The following CHCHD3 variants were observed in gnomAD, a reference collection of about 807,000 sequenced individuals.
CHCHD3 encodes the protein MICOS complex subunit MIC19.
In CHCHD3, 20 loss-of-function variants were observed where a neutral mutation model predicts 38.2. That is an observed-to-expected ratio of 0.52 (90% CI 0.37 to 0.76). The LOEUF (loss-of-function observed/expected upper bound fraction) is 0.76, where lower values mean the gene tolerates loss of function less well. Among genes scored for constraint, CHCHD3 ranks in the 30% least tolerant of loss-of-function variants. The probability of loss-of-function intolerance (pLI) is 0.00; values close to 1 mark genes in which losing one functional copy is unlikely to be tolerated. For synonymous variants in CHCHD3, 82 were observed against 100.0 expected (o/e 0.82, Z 1.07); for missense variants, 245 against 279.2 (o/e 0.88, Z 0.87).
intron 4 of CHCHD3, among the ~76,000 whole-genome samples, chr7:132,949,301 C>T (rs1810979571): frequency 6.6e-6 from 1 of 152,122 alleles, no homozygotes; most frequent in African/African-American, 2.4e-5. Flanking sequence ...AAGTGACAAG[C>T]ACGCCTCCCA....
chr7:133,013,316 G>A (rs1468763854), intron 3 of CHCHD3, among the ~76,000 whole-genome samples: 6 of 151,638 alleles, frequency 4.0e-5, no homozygotes, highest in South Asian at 2.1e-4. Context: ...TCCAGATGCC[G>A]ACTGCCTGCG....
chr7:133,026,186 A>T (rs1159605445), intron 2 of CHCHD3, among the ~76,000 whole-genome samples: 24 of 152,222 alleles, frequency 1.6e-4, no homozygotes. Context: ...CTTACAGACA[A>T]ATAATAAAAA....
chr7:132,911,964 A>T (rs1809962557), intron 4 of CHCHD3, among the ~76,000 whole-genome samples: 1 of 152,180 alleles, frequency 6.6e-6, no homozygotes, highest in African/African-American at 2.4e-5. Context: ...AATTGCTACT[A>T]AGTTTTCCAT....
At chr7:133,071,277 A>G (rs1814812412) in intron 1 of CHCHD3, among the ~76,000 whole-genome samples, 1 of 152,250 alleles carries the variant, frequency 6.6e-6, no homozygotes, top group South Asian at 2.1e-4. Context: ...AGCCTCACTA[A>G]GCCTAGTTAA....
intron 4 of CHCHD3, chr7:132,974,102 C>T (rs1259729898): frequency 8.9e-7 from 1 of 1,121,654 alleles, no homozygotes; most frequent in African/African-American, 1.6e-5. Context: ...CCATTAAAAA[C>T]TACATTTCAG....
chr7:133,058,376 G>A (rs1584678047), intron 2 of CHCHD3, among the ~76,000 whole-genome samples: 1 of 152,186 alleles, frequency 6.6e-6, no homozygotes, highest in East Asian at 1.9e-4. Context: ...AAAGTGCTGG[G>A]ATTACAGGCC....
intron 2 of CHCHD3, among the ~76,000 whole-genome samples, chr7:133,061,609 G>A (rs1404458684): frequency 2.0e-5 from 3 of 152,132 alleles, no homozygotes; most frequent in African/African-American, 7.2e-5. Flanking sequence ...GCTGGCAGCC[G>A]TGTACTTGCC....
chr7:132,864,978 C>T (rs1808582938), intron 5 of CHCHD3, among the ~76,000 whole-genome samples: 3 of 152,116 alleles, frequency 2.0e-5, no homozygotes, highest in South Asian at 2.1e-4. Context: ...AACCATAGAC[C>T]CCATTCATTA....
intron 4 of CHCHD3, among the ~76,000 whole-genome samples, chr7:132,906,150 T>C (rs1384886718): frequency 2.0e-5 from 3 of 152,220 alleles, no homozygotes; most frequent in Non-Finnish European, 4.4e-5. Flanking sequence ...ACATTGTACA[T>C]GATAAATACA....
At chr7:132,865,903 C>T (rs1020843302) in intron 5 of CHCHD3, among the ~76,000 whole-genome samples, 1 of 152,152 alleles carries the variant, frequency 6.6e-6, no homozygotes, top group Non-Finnish European at 1.5e-5. Flanking sequence ...CTGCCCTCAG[C>T]ATTCCTTCTG....
At chr7:132,954,561 A>G (rs540937340) in intron 4 of CHCHD3, among the ~76,000 whole-genome samples, 13 of 152,222 alleles carry the variant, frequency 8.5e-5, no homozygotes, top group Middle Eastern at 6.8e-3. Context: ...GACAATGCCA[A>G]CATGGGGCCA....
At chr7:132,955,104 C>T (rs1033525584) in intron 4 of CHCHD3, among the ~76,000 whole-genome samples, 9 of 151,680 alleles carry the variant, frequency 5.9e-5, no homozygotes, top group African/African-American at 1.9e-4. Context: ...GGGTCCCAAA[C>T]TATCACACTG....
At chr7:132,826,358 G>C (rs531932976) in intron 6 of CHCHD3, among the ~76,000 whole-genome samples, 1 of 152,332 alleles carries the variant, frequency 6.6e-6, no homozygotes, top group Admixed American at 6.5e-5. Context: ...GGAGGTTTTA[G>C]TCCTTGAAAA....
At chr7:132,898,133 C>G (rs1809552604) in intron 4 of CHCHD3, among the ~76,000 whole-genome samples, 1 of 152,100 alleles carries the variant, frequency 6.6e-6, no homozygotes, top group South Asian at 2.1e-4. Flanking sequence ...TGTTACAGCT[C>G]ATAAAGGCAG....
At chr7:132,869,363 T>C (rs1485343683) in intron 5 of CHCHD3, among the ~76,000 whole-genome samples, 2 of 152,220 alleles carry the variant, frequency 1.3e-5, no homozygotes, top group African/African-American at 4.8e-5. Flanking sequence ...GGATTGAATA[T>C]GCAGAAGTGA....
intron 2 of CHCHD3, chr7:133,036,083 C>T: frequency 2.9e-6 from 2 of 678,414 alleles, no homozygotes; most frequent in African/African-American, 3.6e-5. Flanking sequence ...ATTCGCTAGG[C>T]AATTGAGATT....
At chr7:132,938,839 C>G (rs139929171) in intron 4 of CHCHD3, among the ~76,000 whole-genome samples, 154 of 151,796 alleles carry the variant, frequency 1.0e-3, no homozygotes, top group East Asian at 6.4e-3. Context: ...GATGCGGCTG[C>G]GAGGTCTACA....
At chr7:132,808,060 C>A (rs1806978076) in intron 6 of CHCHD3, among the ~76,000 whole-genome samples, 1 of 152,076 alleles carries the variant, frequency 6.6e-6, no homozygotes, top group Non-Finnish European at 1.5e-5. Context: ...ACACAAAGAC[C>A]AAAATGTAAG....
chr7:132,836,069 T>C (rs1445009084), intron 6 of CHCHD3, among the ~76,000 whole-genome samples: 4 of 152,136 alleles, frequency 2.6e-5, no homozygotes, highest in Non-Finnish European at 5.9e-5. Context: ...TGTGGTACTT[T>C]GCAGTACTGG....
Sources: allele counts gnomAD v4.1 joint callset (sites outside exome capture counted in the v4.1 genomes callset), GRCh38; gene constraint gnomAD v4.1.1; transcripts MANE v1.5; gene names NCBI Gene and HGNC (gene_info 2026-07-23, HGNC 2026-07-21).